DISC1: variants seen among roughly 807,000 people sequenced by gnomAD.
The protein encoded by DISC1 is DISC1 scaffold protein.
Under a neutral mutation model 84.5 loss-of-function variants are expected in DISC1, and 57 were observed. That is an observed-to-expected ratio of 0.67 (90% confidence interval 0.55 to 0.84). The LOEUF (loss-of-function observed/expected upper bound fraction) is 0.84. Among genes scored for constraint, DISC1 ranks in the 40% least tolerant of loss-of-function variants. The pLI is 0.00. For missense variants in DISC1, 1,000 were observed against 1,057.8 expected (o/e 0.95, Z 0.76); for synonymous variants, 411 against 415.2 (o/e 0.99, Z 0.12).
intron 10 of DISC1, among the ~76,000 whole-genome samples, chr1:231,961,169 A>G (rs979311221): frequency 6.6e-6 from 1 of 152,180 alleles, no homozygotes; most frequent in African/African-American, 2.4e-5. Flanking sequence ...TGAAGTATGG[A>G]CAACCATGTA....
chr1:231,915,509 C>T (rs188588685), intron 9 of DISC1, among the ~76,000 whole-genome samples: 110 of 152,282 alleles, frequency 7.2e-4, no homozygotes, highest in African/African-American at 2.6e-3. Context: ...GTGGGCCAGG[C>T]GCAGTGGCTC....
chr1:231,667,640 T>C (rs559901600), intron 1 of DISC1, among the ~76,000 whole-genome samples: 4 of 152,298 alleles, frequency 2.6e-5, no homozygotes, highest in African/African-American at 9.6e-5. Flanking sequence ...GCAGCCCACA[T>C]TCTGAGATTG....
At chr1:232,020,781 T>A (rs571339113) in intron 11 of DISC1, among the ~76,000 whole-genome samples, 8 of 152,356 alleles carry the variant, frequency 5.3e-5, no homozygotes, top group African/African-American at 1.9e-4. Context: ...TATTTACTTA[T>A]TTATTTATGT....
rs377465664 is a variant in DISC1, at chr1:231,652,404, G to T, written c.67+25470G>T. ...AACTTGCTTGAAGTAATGCTTTCAG[G>T]ATACTCAATATTGAATATTCAATAC... is the stretch of plus-strand genomic sequence containing the variant. On this transcript the variant is annotated intron_variant, in intron 1 of 12. Coordinates refer to ENST00000439617, the MANE Select transcript of DISC1 (RefSeq NM_018662.3). Among the ~76,000 whole-genome samples the T allele has an allele frequency of 5.3e-5, 8 of 152,172 alleles. No individual in the cohort carries two copies. In the South Asian group the frequency reaches 1.7e-3, roughly 32 times the overall value.
At position 231,999,563 on chromosome 1, in the gene DISC1, C is replaced by A. The variant is rs766003316; in HGVS notation, c.2043-9222C>A. Among the ~76,000 whole-genome samples, 49 of 152,160 alleles carry A rather than the reference C, an allele frequency of 3.2e-4. 1 individual carries two copies. The highest frequency in any genetic ancestry group is 5.7e-4 in the Non-Finnish European group (39 of 68,014). On this transcript the variant is annotated intron_variant, in intron 10 of 12. Transcript: ENST00000439617. ...GCCCCTGGCAAGAGGGACCCTGCCACAACAGATGCCCAGCCTGGGAAGTGT... is the reference window on the plus strand; with the variant it reads ...GCCCCTGGCAAGAGGGACCCTGCCAAAACAGATGCCCAGCCTGGGAAGTGT...
intron 1 of DISC1, chr1:231,670,632 G>C (rs1198004387): frequency 6.6e-6 from 1 of 152,160 alleles, no homozygotes; most frequent in Non-Finnish European, 1.5e-5. Context: ...TCTGTTCAGT[G>C]TTTATCCTGG....
At chr1:231,720,721 T>C (rs919406510) in intron 3 of DISC1, 6 of 662,962 alleles carry the variant, frequency 9.1e-6, no homozygotes, top group Non-Finnish European at 1.4e-5. Flanking sequence ...GTGATTTTTT[T>C]CCCTTGGGGC....
intron 10 of DISC1, among the ~76,000 whole-genome samples, chr1:231,994,350 G>A (rs999016073): frequency 6.6e-6 from 1 of 152,192 alleles, no homozygotes; most frequent in African/African-American, 2.4e-5. Flanking sequence ...CTCAGAGCAA[G>A]TGTCCCAGAA....
chr1:232,013,059 G>A (rs988987496), intron 11 of DISC1, among the ~76,000 whole-genome samples: 1 of 152,192 alleles, frequency 6.6e-6, no homozygotes, highest in African/African-American at 2.4e-5. Context: ...AGGAGCCAGG[G>A]AAATCAGTGA....
rs2060837650 is a variant in DISC1, at chr1:231,653,853, T to G, written c.67+26919T>G. Among the ~76,000 whole-genome samples, 6 of 152,268 alleles carry G rather than the reference T, an allele frequency of 3.9e-5. No individual in the cohort carries two copies. In the South Asian group the frequency reaches 1.2e-3, roughly 32 times the overall value. On this transcript the variant is annotated intron_variant, in intron 1 of 12. Coordinates refer to ENST00000439617, the MANE Select transcript of DISC1 (RefSeq NM_018662.3). The stretch of plus-strand genomic sequence containing the variant: ...GAAGAGAATAAAGTTATTTGCCTCC[T>G]CCCTAGCGCCTCCCAATTTTCAATG...
intron 9 of DISC1, among the ~76,000 whole-genome samples, chr1:231,848,327 C>G (rs1453091546): frequency 3.3e-5 from 5 of 152,088 alleles, no homozygotes; most frequent in African/African-American, 1.2e-4. Flanking sequence ...CACATAGAAG[C>G]CTTACTATAA....
At chr1:232,035,377 G>A (rs1035063928) in intron 12 of DISC1, among the ~76,000 whole-genome samples, 7 of 152,148 alleles carry the variant, frequency 4.6e-5, no homozygotes, top group Non-Finnish European at 7.4e-5. Flanking sequence ...TCCCGGAGAC[G>A]GAGGTTGCAG....
chr1:231,905,136 A>G (rs978085500), intron 9 of DISC1, among the ~76,000 whole-genome samples: 4 of 152,214 alleles, frequency 2.6e-5, no homozygotes, highest in African/African-American at 7.2e-5. Flanking sequence ...ATCATCAGCA[A>G]TGGGACAAGT....
intron 1 of DISC1, chr1:231,684,669 G>A (rs974083892): frequency 1.3e-5 from 2 of 152,120 alleles, no homozygotes; most frequent in African/African-American, 4.8e-5. Context: ...TGTGCTAAAA[G>A]ACTGTTACAA....
intron 3 of DISC1, among the ~76,000 whole-genome samples, chr1:231,738,687 G>A (rs2072848026): frequency 6.6e-6 from 1 of 151,980 alleles, no homozygotes; most frequent in Non-Finnish European, 1.5e-5. Flanking sequence ...AGTATGTTGT[G>A]GGCATGATAG....
chr1:231,806,565 A>G (rs1558578162), intron 8 of DISC1, among the ~76,000 whole-genome samples: 1 of 152,226 alleles, frequency 6.6e-6, no homozygotes, highest in Non-Finnish European at 1.5e-5. Context: ...AGGAGAAGAC[A>G]GTCTTCCAAG....
Position 231,770,818 on chromosome 1 carries a change from C to T in DISC1, c.1399-17C>T. 6.2e-7 allele frequency: 1 copy of T among 1,612,132 alleles called. No homozygotes were observed. Among genetic ancestry groups the T allele is most frequent in the East Asian group, 2.2e-5 (1 of 44,856 alleles). On this transcript the variant is annotated splice_polypyrimidine_tract_variant and intron_variant, in intron 5 of 12. Transcript: ENST00000439617. Reference sequence around the variant, plus strand: ...GCAGGGTTAATTTATAAAATCTTGTCTCCTCATTCTCTACAGAAAGAAATC... The same window carrying T: ...GCAGGGTTAATTTATAAAATCTTGTTTCCTCATTCTCTACAGAAAGAAATC...
intron 3 of DISC1, among the ~76,000 whole-genome samples, chr1:231,718,414 C>T (rs201153687): frequency 7.2e-5 from 11 of 151,796 alleles, no homozygotes; most frequent in Non-Finnish European, 1.2e-4. Flanking sequence ...ATTCCTTCCC[C>T]ACTTCAAGCA....
chr1:232,006,011 T>A (rs1252293548), intron 10 of DISC1, among the ~76,000 whole-genome samples: 2 of 152,208 alleles, frequency 1.3e-5, no homozygotes, highest in African/African-American at 4.8e-5. Flanking sequence ...CCTGAGCTGA[T>A]GAGTTGTTGA....
Sources: gnomAD v4.1 joint callset for allele counts (sites outside exome capture counted in the v4.1 genomes callset) on GRCh38, gnomAD v4.1.1 for gene constraint, MANE v1.5 for transcripts, NCBI Gene and HGNC (gene_info 2026-07-23, HGNC 2026-07-21) for gene names.